The following SCG5 variants were observed in gnomAD, a reference collection of about 807,000 sequenced individuals.
SCG5 encodes secretogranin V.
A neutral mutation model predicts 25.7 loss-of-function variants in SCG5; 18 were observed. The observed-to-expected ratio is 0.70, with a 90% CI of 0.48 to 1.04. SCG5 has a LOEUF of 1.04. SCG5 is among the 50% of genes least tolerant of loss of function. The pLI is 0.00. For missense variants in SCG5, 206 were observed against 259.8 expected (o/e 0.79, Z 1.42); for synonymous variants, 101 against 91.7 (o/e 1.10, Z -0.58).
chr15:32,696,364 A>G (rs948954653), intron 5 of SCG5, 150 bp from the exon 6 acceptor site: 26 of 549,998 alleles, frequency 4.7e-5, no homozygotes, highest in Non-Finnish European at 6.6e-5. Flanking sequence ...TGATCTGCCC[A>G]CCTCGGCCTC....
intron 2 of SCG5, among the ~76,000 whole-genome samples, chr15:32,650,406 G>T (rs945616472): frequency 6.6e-6 from 1 of 152,086 alleles, no homozygotes; most frequent in Non-Finnish European, 1.5e-5. Flanking sequence ...CGGCGCCCCA[G>T]TCTTATTTTT....
chr15:32,690,270 C>G (rs755766446), intron 4 of SCG5, among the ~76,000 whole-genome samples: 1 of 152,214 alleles, frequency 6.6e-6, no homozygotes, highest in Non-Finnish European at 1.5e-5. Context: ...TCAGGTTCTT[C>G]CACACTCCAT....
chr15:32,673,002 C>T (rs2054463867), intron 2 of SCG5: 1 of 151,436 alleles, frequency 6.6e-6, no homozygotes, highest in African/African-American at 2.4e-5. Context: ...TAACTTCCAT[C>T]AAAACTGCTT....
intron 2 of SCG5, among the ~76,000 whole-genome samples, chr15:32,674,083 T>C (rs80164426): frequency 1.2e-3 from 190 of 152,332 alleles, no homozygotes; most frequent in African/African-American, 4.1e-3. Flanking sequence ...TACAACACTG[T>C]ATAGTCATTG....
chr15:32,696,673 G>C lies in SCG5; in HGVS notation c.*64G>C. 1.1e-6 allele frequency: 1 copy of C among 933,924 alleles called. No individual in the cohort carries two copies. The highest frequency in any genetic ancestry group is 1.7e-6 in the Non-Finnish European group (1 of 576,742). The allele number at this position is 933,924 out of a possible 1,614,324, so 57.9% of individuals were successfully genotyped here. On this transcript the variant is annotated 3_prime_UTR_variant, in exon 6 of 6. Transcript: ENST00000300175. Reference sequence around the variant, plus strand: ...GCCTCAGCATGGCTTATGTGCACGTGTAAATGGAGTCCCTGTGAATGACAG... The same window carrying C: ...GCCTCAGCATGGCTTATGTGCACGTCTAAATGGAGTCCCTGTGAATGACAG...
chr15:32,679,067 T>G lies in SCG5; in HGVS notation c.227-699T>G, dbSNP rs192973417. On this transcript the variant is annotated intron_variant, in intron 2 of 5. Coordinates refer to ENST00000300175, the MANE Select transcript of SCG5 (RefSeq NM_001144757.3). ...AATTGCCTTCCTTTCTTGACCCAAG[T>G]CCTGCCCAAGCTCCACGCCCAGCTT... is the stretch of plus-strand genomic sequence containing the variant. 5.9e-3 allele frequency among the ~76,000 whole-genome samples: 899 copies of G among 152,320 alleles called. 9 individuals carry two copies. The highest frequency in any genetic ancestry group is 0.02 in the African/African-American group (850 of 41,566).
Position 32,663,072 on chromosome 15 carries a change from TATATATA to T in SCG5, c.227-16682_227-16676del, listed in dbSNP as rs1430373616. 9.0e-5 allele frequency among the ~76,000 whole-genome samples: 5 copies of T among 55,270 alleles called. No individual in the cohort carries two copies. The East Asian group carries it at 1.6e-3, about 18-fold the overall frequency. The allele number at this position is 55,270 out of a possible 152,430, so 36.3% of individuals were successfully genotyped here. A position where few individuals can be genotyped will look rare whatever the true frequency, so the allele number is the denominator to read the frequency against. The stretch of plus-strand genomic sequence containing the variant: ...ATATATATATATATATATATATATA[TATATATA>T]ATATATAATATGTTATATATACACA... On this transcript the variant is annotated intron_variant, in intron 2 of 5. Coordinates refer to ENST00000300175, the MANE Select transcript of SCG5 (RefSeq NM_001144757.3).
At chr15:32,688,057 C>G (rs941248142) in intron 4 of SCG5, among the ~76,000 whole-genome samples, 2 of 152,168 alleles carry the variant, frequency 1.3e-5, no homozygotes, top group Non-Finnish European at 2.9e-5. Context: ...AGCTGAGGAG[C>G]CTGCTCAGCC....
At chr15:32,679,632 C>A in intron 2 of SCG5, 134 bp from the exon 3 acceptor site, 3 of 943,818 alleles carry the variant, frequency 3.2e-6, no homozygotes, top group Non-Finnish European at 3.3e-6. Context: ...CCCTAGAGGG[C>A]AAGAACCATT....
intron 2 of SCG5, among the ~76,000 whole-genome samples, chr15:32,645,994 A>G (rs575300065): frequency 1.1e-4 from 17 of 151,938 alleles, no homozygotes; most frequent in East Asian, 7.8e-4. Context: ...AATTTTTTGT[A>G]TTTTTAGTAG....
intron 2 of SCG5, among the ~76,000 whole-genome samples, chr15:32,658,833 G>C (rs2054167313): frequency 6.6e-6 from 1 of 152,172 alleles, no homozygotes; most frequent in Admixed American, 6.5e-5. Flanking sequence ...ACACCACGGG[G>C]ATCTCTGGAG....
rs149590751 is a variant in SCG5, at chr15:32,662,103, T to C, written c.227-17663T>C. On this transcript the variant is annotated intron_variant, in intron 2 of 5. Coordinates refer to ENST00000300175, the MANE Select transcript of SCG5 (RefSeq NM_001144757.3). The stretch of plus-strand genomic sequence containing the variant: ...CAATTTACTCAAGCATTTTTGCAAA[T>C]GGCCATTTAGAGTTTTTCCAGTTTA... 4.6e-3 allele frequency among the ~76,000 whole-genome samples: 699 copies of C among 152,348 alleles called. 6 individuals are homozygous for C. The highest frequency in any genetic ancestry group is 0.016 in the African/African-American group (680 of 41,570).
At chr15:32,675,932 T>C (rs1015445779) in intron 2 of SCG5, among the ~76,000 whole-genome samples, 3 of 152,192 alleles carry the variant, frequency 2.0e-5, no homozygotes, top group African/African-American at 7.2e-5. Flanking sequence ...TGCAGTAAGA[T>C]AGTTAAGGAG....
chr15:32,673,439 T>C (rs1007846047), intron 2 of SCG5, among the ~76,000 whole-genome samples: 5 of 152,008 alleles, frequency 3.3e-5, no homozygotes, highest in Admixed American at 6.6e-5. Context: ...ACCAGCAGCA[T>C]CTGCACTATC....
At chr15:32,646,193 C>T (rs565244191) in intron 2 of SCG5, among the ~76,000 whole-genome samples, 2 of 152,342 alleles carry the variant, frequency 1.3e-5, no homozygotes, top group South Asian at 4.1e-4. Context: ...TTTTCTATTA[C>T]TGTATAACAA....
intron 2 of SCG5, among the ~76,000 whole-genome samples, chr15:32,651,917 G>A (rs1045236692): frequency 1.3e-5 from 2 of 152,176 alleles, no homozygotes; most frequent in Non-Finnish European, 2.9e-5. Flanking sequence ...AAGGGTTTCA[G>A]AGTCATCCCC....
chr15:32,692,132 C>T (rs1019621858), intron 5 of SCG5: 1 of 1,084,534 alleles, frequency 9.2e-7, no homozygotes, highest in Non-Finnish European at 1.1e-6. Context: ...CACACATCTG[C>T]ATCAATTCTA....
intron 2 of SCG5, among the ~76,000 whole-genome samples, chr15:32,663,008 A>G (rs982792301): frequency 1.5e-5 from 2 of 136,868 alleles, no homozygotes; most frequent in African/African-American, 2.7e-5. Context: ...GGGGAAGAGA[A>G]GATTAGGGCT....
chr15:32,646,902 G>A (rs1595787735), intron 2 of SCG5, among the ~76,000 whole-genome samples: 1 of 152,250 alleles, frequency 6.6e-6, no homozygotes, highest in African/African-American at 2.4e-5. Context: ...GGATTTTATT[G>A]TGAAGAACCA....
Sources: gnomAD v4.1 joint callset for allele counts (sites outside exome capture counted in the v4.1 genomes callset) on GRCh38, gnomAD v4.1.1 for gene constraint, MANE v1.5 for transcripts, NCBI Gene and HGNC (gene_info 2026-07-23, HGNC 2026-07-21) for gene names.